The following ASTN2 variants were observed in gnomAD, a reference collection of about 807,000 sequenced individuals.
ASTN2 encodes astrotactin-2.
In ASTN2, 54 loss-of-function variants were observed where a neutral mutation model predicts 139.8. The observed-to-expected ratio is 0.39, with a 90% CI of 0.31 to 0.48. The LOEUF is 0.48. Among genes scored for constraint, ASTN2 ranks in the 20% least tolerant of loss-of-function variants. The pLI is 0.95. For synonymous variants in ASTN2, 756 were observed against 719.5 expected, an observed-to-expected ratio of 1.05 and a Z score of -0.81; for missense variants, 1,565 against 1,725.1, an observed-to-expected ratio of 0.91 and a Z score of 1.64.
intron 19 of ASTN2, among the ~76,000 whole-genome samples, chr9:116,544,704 G>A (rs1177339929): frequency 2.0e-5 from 3 of 152,108 alleles, no homozygotes; most frequent in Non-Finnish European, 2.9e-5. Context: ...GACACCAAAG[G>A]TCACACTTTG....
chr9:117,348,738 A>G (rs1829300413), intron 1 of ASTN2, among the ~76,000 whole-genome samples: 2 of 152,164 alleles, frequency 1.3e-5, no homozygotes, highest in South Asian at 4.1e-4. Flanking sequence ...AGACATCTCA[A>G]CTTGTATTTT....
chr9:116,653,178 CAG>C (rs1858022547), intron 16 of ASTN2, among the ~76,000 whole-genome samples: 1 of 152,304 alleles, frequency 6.6e-6, no homozygotes, highest in East Asian at 1.9e-4. Context: ...GATACTCAGC[CAG>C]AGAGATTATA....
intron 7 of ASTN2, among the ~76,000 whole-genome samples, chr9:116,995,561 GT>G (rs1836990540): frequency 6.6e-6 from 1 of 152,174 alleles, no homozygotes; most frequent in Non-Finnish European, 1.5e-5. Context: ...AAGGCACACA[GT>G]TTTTTAGATA....
intron 17 of ASTN2, among the ~76,000 whole-genome samples, chr9:116,638,812 A>C (rs1857194250): frequency 6.6e-6 from 1 of 152,154 alleles, no homozygotes; most frequent in African/African-American, 2.4e-5. Context: ...ACAAGTACCA[A>C]AGATATAAGA....
intron 3 of ASTN2, among the ~76,000 whole-genome samples, chr9:117,189,022 C>T (rs945040593): frequency 3.9e-5 from 6 of 152,092 alleles, no homozygotes; most frequent in Non-Finnish European, 7.4e-5. Context: ...CCCCTCCTGT[C>T]CCCACCTGGG....
chr9:116,829,965 A>G (rs1300152252), intron 11 of ASTN2, among the ~76,000 whole-genome samples: 3 of 152,260 alleles, frequency 2.0e-5, no homozygotes, highest in African/African-American at 7.2e-5. Flanking sequence ...GCCTTGGGAA[A>G]GAATTTGTGA....
At chr9:117,247,206 G>A (rs1245011096) in intron 2 of ASTN2, among the ~76,000 whole-genome samples, 1 of 152,176 alleles carries the variant, frequency 6.6e-6, no homozygotes, top group Non-Finnish European at 1.5e-5. Flanking sequence ...TTGAAAGTGT[G>A]AGGAAAGAAT....
At chr9:116,822,732 T>C (rs142774511) in intron 11 of ASTN2, among the ~76,000 whole-genome samples, 5 of 152,278 alleles carry the variant, frequency 3.3e-5, no homozygotes, top group African/African-American at 1.2e-4. Context: ...TTAATCCCTA[T>C]AGCAAATATA....
At chr9:117,045,971 T>C (rs1397132760) in intron 5 of ASTN2, among the ~76,000 whole-genome samples, 7 of 110,486 alleles carry the variant, frequency 6.3e-5, no homozygotes, top group South Asian at 3.2e-4. Flanking sequence ...TATGTATGTA[T>C]GTATGTATGT....
intron 10 of ASTN2, among the ~76,000 whole-genome samples, chr9:116,909,012 T>C (rs1834241827): frequency 6.6e-6 from 1 of 151,986 alleles, no homozygotes; most frequent in Non-Finnish European, 1.5e-5. Context: ...TGGTAGGAAC[T>C]GGTAAAAGTA....
At chr9:116,752,037 A>C (rs1417389726) in intron 13 of ASTN2, among the ~76,000 whole-genome samples, 1 of 152,206 alleles carries the variant, frequency 6.6e-6, no homozygotes, top group African/African-American at 2.4e-5. Context: ...CAGAATAGTC[A>C]AGACAATATT....
chr9:116,748,039 C>A (rs1252760683), intron 13 of ASTN2, among the ~76,000 whole-genome samples: 1 of 152,180 alleles, frequency 6.6e-6, no homozygotes, highest in Non-Finnish European at 1.5e-5. Flanking sequence ...TCACCAGGGC[C>A]TCTTCCAGAA....
chr9:116,594,073 T>A (rs2131738006), intron 19 of ASTN2, among the ~76,000 whole-genome samples: 1 of 152,332 alleles, frequency 6.6e-6, no homozygotes, highest in Non-Finnish European at 1.5e-5. Context: ...TCTCAGCTCA[T>A]ATGAGCAAGT....
intron 10 of ASTN2, among the ~76,000 whole-genome samples, chr9:116,870,921 C>T (rs529240422): frequency 6.6e-6 from 1 of 152,260 alleles, no homozygotes; most frequent in African/African-American, 2.4e-5. Flanking sequence ...ACCTTGTTTC[C>T]TGAGCTACCT....
At chr9:117,299,021 A>G (rs978551947) in intron 1 of ASTN2, among the ~76,000 whole-genome samples, 4 of 152,128 alleles carry the variant, frequency 2.6e-5, no homozygotes, top group African/African-American at 9.7e-5. Flanking sequence ...CATGCACATG[A>G]AAAGAAAGAA....
intron 19 of ASTN2, among the ~76,000 whole-genome samples, chr9:116,513,498 G>T (rs1420501376): frequency 6.6e-6 from 1 of 151,230 alleles, no homozygotes; most frequent in African/African-American, 2.4e-5. Flanking sequence ...CTCTTCTCAA[G>T]GAGTTCTTTG....
At chr9:116,724,287 A>C (rs1828555221) in intron 16 of ASTN2, among the ~76,000 whole-genome samples, 1 of 152,234 alleles carries the variant, frequency 6.6e-6, no homozygotes, top group African/African-American at 2.4e-5. Flanking sequence ...ACTTCCTTAA[A>C]GACTGTCATT....
chr9:116,840,352 C>T (rs1284240227), intron 11 of ASTN2, among the ~76,000 whole-genome samples: 1 of 151,312 alleles, frequency 6.6e-6, no homozygotes, highest in East Asian at 2.0e-4. Context: ...TCCACAAAGC[C>T]GCGATTGTCA....
intron 19 of ASTN2, among the ~76,000 whole-genome samples, chr9:116,550,217 A>T (rs1852281200): frequency 6.6e-6 from 1 of 152,234 alleles, no homozygotes; most frequent in African/African-American, 2.4e-5. Context: ...TTACATCCAT[A>T]TAACGTCTCT....
Sources: allele counts gnomAD v4.1 joint callset (sites outside exome capture counted in the v4.1 genomes callset), GRCh38; gene constraint gnomAD v4.1.1; transcripts MANE v1.5; gene names NCBI Gene and HGNC (gene_info 2026-07-23, HGNC 2026-07-21).